ARHGAP32: variants seen among roughly 807,000 people sequenced by gnomAD.
ARHGAP32 encodes rho GTPase-activating protein 32.
A neutral mutation model predicts 186.5 loss-of-function variants in ARHGAP32; 51 were observed. The ratio of observed to expected loss-of-function variants is 0.27; its 90% CI spans 0.22 to 0.35. The LOEUF is 0.35. ARHGAP32 is among the 10% of genes least tolerant of loss of function. The pLI is 1.00. For missense variants in ARHGAP32, 2,186 were observed against 2,623.5 expected (o/e 0.83, Z 3.64); for synonymous variants, 950 against 964.3 (o/e 0.99, Z 0.27).
intron 1 of ARHGAP32, among the ~76,000 whole-genome samples, chr11:129,237,955 T>C (rs889552707): frequency 1.3e-5 from 2 of 151,986 alleles, no homozygotes; most frequent in African/African-American, 2.4e-5. Flanking sequence ...GTGGTAGCAA[T>C]AGAAGTAGTG....
chr11:129,276,634 TACA>T (rs1945535417), intron 1 of ARHGAP32, among the ~76,000 whole-genome samples: 1 of 152,208 alleles, frequency 6.6e-6, no homozygotes, highest in African/African-American at 2.4e-5. Context: ...AAATTTCTGT[TACA>T]ACATTTAAAA....
At chr11:129,125,057 A>G (rs1374023362) in intron 2 of ARHGAP32, among the ~76,000 whole-genome samples, 163 bp from the exon 3 acceptor site, 1 of 152,148 alleles carries the variant, frequency 6.6e-6, no homozygotes, top group East Asian at 1.9e-4. Context: ...TTAAGAATAT[A>G]AATTATTCAC....
At chr11:129,071,753 A>G (rs1274113149) in intron 6 of ARHGAP32, among the ~76,000 whole-genome samples, 1 of 152,206 alleles carries the variant, frequency 6.6e-6, no homozygotes, top group African/African-American at 2.4e-5. Flanking sequence ...TCAAGAAGAT[A>G]TCTGCTCTCC....
At chr11:129,241,896 G>C (rs182440844) in intron 1 of ARHGAP32, among the ~76,000 whole-genome samples, 1 of 152,066 alleles carries the variant, frequency 6.6e-6, no homozygotes, top group Non-Finnish European at 1.5e-5. Flanking sequence ...AATAAAGCAA[G>C]AATGACCAAT....
chr11:129,026,156 T>G (rs1214506789), intron 11 of ARHGAP32, among the ~76,000 whole-genome samples: 2 of 152,154 alleles, frequency 1.3e-5, no homozygotes, highest in Non-Finnish European at 2.9e-5. Flanking sequence ...AACTGTATTG[T>G]GACCATGTTG....
intron 11 of ARHGAP32, among the ~76,000 whole-genome samples, chr11:129,033,719 C>G (rs1224481461): frequency 1.3e-5 from 2 of 152,176 alleles, no homozygotes; most frequent in Admixed American, 6.5e-5. Context: ...CTTTCACATA[C>G]AGATTTGTAA....
rs562603711 is a variant in ARHGAP32 at position 129,240,496 on chromosome 11, A to G, written c.-5+38650T>C. 9.8e-5 allele frequency among the ~76,000 whole-genome samples: 15 copies of G among 152,288 alleles called. No homozygotes were observed. The South Asian group carries it at 3.1e-3, about 32-fold the overall frequency. On this transcript the variant is annotated intron_variant, in intron 1 of 6. Transcript: ENST00000525234. The stretch of plus-strand genomic sequence containing the variant: ...TCTACAAGCTTTCCCTAGGTCTTCA[A>G]TAAATTCACACAGTACCTAGTTTAC...
intron 1 of ARHGAP32, among the ~76,000 whole-genome samples, chr11:129,248,159 A>G (rs925698825): frequency 2.6e-5 from 4 of 151,640 alleles, no homozygotes; most frequent in Non-Finnish European, 5.9e-5. Flanking sequence ...AAAAATACAA[A>G]AATTAGCAAG....
chr11:129,248,096 A>G (rs1481238730), intron 1 of ARHGAP32, among the ~76,000 whole-genome samples: 6 of 151,834 alleles, frequency 4.0e-5, no homozygotes, highest in Non-Finnish European at 8.8e-5. Flanking sequence ...GCAGATCACG[A>G]GGTCAGGAGA....
chr11:129,115,139 G>A (rs139640440), intron 5 of ARHGAP32, among the ~76,000 whole-genome samples: 13 of 152,160 alleles, frequency 8.5e-5, no homozygotes, highest in East Asian at 1.9e-4. Flanking sequence ...TGTAGCAGAC[G>A]TGGAGACACA....
chr11:129,118,500 C>T (rs949584418), intron 5 of ARHGAP32, among the ~76,000 whole-genome samples: 1 of 151,590 alleles, frequency 6.6e-6, no homozygotes, highest in South Asian at 2.1e-4. Flanking sequence ...AACTTATAAC[C>T]CATGAATTTA....
At chr11:128,990,212 C>T (rs540925943) in intron 12 of ARHGAP32, among the ~76,000 whole-genome samples, 134 of 152,242 alleles carry the variant, frequency 8.8e-4, no homozygotes, top group African/African-American at 3.1e-3. Context: ...CACTCTTTAG[C>T]GAGCCTTCAT....
At chr11:129,106,532 G>C (rs569501978) in intron 5 of ARHGAP32, among the ~76,000 whole-genome samples, 42 of 151,910 alleles carry the variant, frequency 2.8e-4, no homozygotes, top group Non-Finnish European at 5.7e-4. Flanking sequence ...ATAGGGGAGG[G>C]TGGCAGTGAG....
intron 5 of ARHGAP32, among the ~76,000 whole-genome samples, chr11:129,111,256 A>G (rs1942204335): frequency 6.6e-6 from 1 of 152,326 alleles, no homozygotes; most frequent in East Asian, 1.9e-4. Context: ...ACATCTTTGC[A>G]TCCCTGGAAT....
chr11:129,144,489 C>T (rs879769896), intron 2 of ARHGAP32, among the ~76,000 whole-genome samples: 6 of 152,114 alleles, frequency 3.9e-5, no homozygotes, highest in Non-Finnish European at 7.3e-5. Context: ...AAAAATAGTG[C>T]TAAATGGGGA....
intron 2 of ARHGAP32, among the ~76,000 whole-genome samples, chr11:129,145,599 C>T (rs1265694039): frequency 6.6e-6 from 1 of 152,010 alleles, no homozygotes; most frequent in Non-Finnish European, 1.5e-5. Flanking sequence ...AAGCAACATC[C>T]AGATCACCTA....
At position 128,986,525 on chromosome 11, in the gene ARHGAP32, G is replaced by A. The variant is rs1257281603; in HGVS notation, c.1442C>T (p.Ser481Phe). The change falls in exon 14 of 23, where the codon TCT becomes TTT. Residue 481 changes from serine (S) to phenylalanine (F), a missense_variant and splice_region_variant. Ser to Phe is a radical substitution (Grantham distance 155). Around this residue, in one of 5 missense-constraint regions of ARHGAP32, gnomAD observed 308 missense variants for 596.5 expected, o/e 0.52. Coordinates refer to ENST00000682385, the MANE Select transcript of ARHGAP32 (RefSeq NM_001378024.1). ...GATTCAAAAGTAGCCTGTACTCACA[G>A]AAAATTTCTCATACAGCTGGTAGGT... Reference protein sequence around the residue: ...LLTYQLYEKFSDAVSAATDEE... With the variant: ...LLTYQLYEKFFDAVSAATDEE... The A allele has an allele frequency of 6.2e-7, 1 of 1,613,942 alleles. No individual in the cohort carries two copies. The highest frequency in any genetic ancestry group is 8.5e-7 in the Non-Finnish European group (1 of 1,179,962).
chr11:129,160,316 CTG>C (rs1388249221), intron 2 of ARHGAP32, among the ~76,000 whole-genome samples: 2 of 152,152 alleles, frequency 1.3e-5, no homozygotes, highest in African/African-American at 4.8e-5. Context: ...CAAATTGTCT[CTG>C]TTTGCAGATG....
At chr11:129,131,176 A>G (rs1942800082) in intron 2 of ARHGAP32, among the ~76,000 whole-genome samples, 1 of 152,190 alleles carries the variant, frequency 6.6e-6, no homozygotes, top group South Asian at 2.1e-4. Context: ...GAGAAATACG[A>G]AAAAACCTTA....
Sources: allele counts gnomAD v4.1 joint callset (sites outside exome capture counted in the v4.1 genomes callset), GRCh38; gene constraint gnomAD v4.1.1; regional missense constraint gnomAD v4.1.1; transcripts MANE v1.5; gene names NCBI Gene and HGNC (gene_info 2026-07-23, HGNC 2026-07-21).